The following PRICKLE2 variants were observed in gnomAD, a reference collection of about 807,000 sequenced individuals.
PRICKLE2 encodes the protein prickle-like protein 2.
A neutral mutation model predicts 81.4 loss-of-function variants in PRICKLE2; 21 were observed. The observed-to-expected ratio is 0.26, with a 90% CI of 0.18 to 0.37. The LOEUF (loss-of-function observed/expected upper bound fraction) is 0.37, where lower values mean the gene tolerates loss of function less well. Among genes scored for constraint, PRICKLE2 ranks in the 10% least tolerant of loss-of-function variants. The pLI, the probability that PRICKLE2 is intolerant of heterozygous loss-of-function variation, is 1.00. For synonymous variants in PRICKLE2, 456 were observed against 421.5 expected, an observed-to-expected ratio of 1.08 and a Z score of -1.00; for missense variants, 940 against 1,109.0, an observed-to-expected ratio of 0.85 and a Z score of 2.16.
chr3:64,100,424 C>T (rs555750047), intron 7 of PRICKLE2: 21 of 158,686 alleles, frequency 1.3e-4, no homozygotes, highest in Non-Finnish European at 2.5e-4. Context: ...TCTGTTAGCC[C>T]GCAGCAGTTT....
At chr3:64,160,144 A>G in intron 3 of PRICKLE2, 67 bp from the exon 4 acceptor site, 2 of 1,558,892 alleles carry the variant, frequency 1.3e-6, no homozygotes, top group South Asian at 2.2e-5. Flanking sequence ...GAAGCCCATG[A>G]CTCTGAGTTT....
intron 2 of PRICKLE2, among the ~76,000 whole-genome samples, chr3:64,176,229 A>G (rs917571902): frequency 2.0e-5 from 3 of 152,186 alleles, no homozygotes; most frequent in Non-Finnish European, 4.4e-5. Context: ...CCAGAATACA[A>G]TCAGGTTCCG....
At chr3:64,210,174 C>G (rs979341586) in intron 1 of PRICKLE2, among the ~76,000 whole-genome samples, 1 of 152,148 alleles carries the variant, frequency 6.6e-6, no homozygotes, top group Non-Finnish European at 1.5e-5. Context: ...ACTTCGCGTC[C>G]TCCCTAACCC....
At chr3:64,104,334 C>T (rs1211404154) in intron 7 of PRICKLE2, among the ~76,000 whole-genome samples, 2 of 152,220 alleles carry the variant, frequency 1.3e-5, no homozygotes, top group African/African-American at 2.4e-5. Context: ...AAGAAAACAT[C>T]TTCAAACTCA....
At chr3:64,165,858 C>T (rs374180768) in intron 2 of PRICKLE2, among the ~76,000 whole-genome samples, 151 of 152,130 alleles carry the variant, frequency 9.9e-4, no homozygotes, top group African/African-American at 3.4e-3. Context: ...GAGACCAAAC[C>T]CTGAAGCCAC....
intron 2 of PRICKLE2, among the ~76,000 whole-genome samples, chr3:64,182,899 AC>A (rs2078159611): frequency 6.6e-6 from 1 of 152,130 alleles, no homozygotes; most frequent in African/African-American, 2.4e-5. Flanking sequence ...AAAAAATAGA[AC>A]ACAAGAAAAC....
intron 2 of PRICKLE2, chr3:64,174,376 AG>A (rs2107067143): frequency 6.6e-6 from 1 of 152,310 alleles, no homozygotes; most frequent in East Asian, 1.9e-4. Context: ...AGTGATGAAA[AG>A]GTGGCTCCTG....
At chr3:64,142,313 CTT>C (rs397936636) in intron 7 of PRICKLE2, among the ~76,000 whole-genome samples, 13 of 132,710 alleles carry the variant, frequency 9.8e-5, no homozygotes, top group Non-Finnish European at 9.5e-5. Flanking sequence ...TTCTTTCTTT[CTT>C]TTTTTTTTTT....
At chr3:64,198,379 T>G (rs923869519) in intron 2 of PRICKLE2, among the ~76,000 whole-genome samples, 1 of 152,130 alleles carries the variant, frequency 6.6e-6, no homozygotes, top group Non-Finnish European at 1.5e-5. Flanking sequence ...CACTTCAGAT[T>G]CTGGCACTTC....
rs1171420014 is a variant in PRICKLE2 at position 64,097,660 on chromosome 3, G to C, written c.*1391C>G. The C allele has an allele frequency of 2.0e-5, 3 of 152,560 alleles. No individual in the cohort carries two copies. The highest frequency in any genetic ancestry group is 4.4e-5 in the Non-Finnish European group (3 of 68,042). The allele number at this position is 152,560 out of a possible 1,614,324, so 9.5% of individuals were successfully genotyped here. A position where few individuals can be genotyped will look rare whatever the true frequency, so the allele number is the denominator to read the frequency against. ...AAAATGGAAATACCCTCCCAACAAAGCCTGTTTTTTTAAAGACATTGCACC... is the reference window on the plus strand; with the variant it reads ...AAAATGGAAATACCCTCCCAACAAACCCTGTTTTTTTAAAGACATTGCACC... On this transcript the variant is annotated 3_prime_UTR_variant, in exon 8 of 8. Transcript: ENST00000638394.
At chr3:64,107,763 C>T (rs185864941) in intron 7 of PRICKLE2, among the ~76,000 whole-genome samples, 3 of 152,296 alleles carry the variant, frequency 2.0e-5, no homozygotes, top group East Asian at 3.9e-4. Flanking sequence ...AGTAGGATCA[C>T]GGTTACAGTG....
chr3:64,223,658 CATT>C (rs1487543002), intron 1 of PRICKLE2, among the ~76,000 whole-genome samples: 1 of 152,284 alleles, frequency 6.6e-6, no homozygotes, highest in East Asian at 1.9e-4. Flanking sequence ...GGGGAAGGAG[CATT>C]TGATGGAAAG....
intron 7 of PRICKLE2, among the ~76,000 whole-genome samples, chr3:64,125,459 G>A (rs1270951539): frequency 4.6e-5 from 7 of 152,118 alleles, no homozygotes. Context: ...GAAAGGAAGA[G>A]TCAATCAATG....
chr3:64,163,498 G>T (rs533116424), intron 2 of PRICKLE2: 251 of 329,686 alleles, frequency 7.6e-4, no homozygotes, highest in Non-Finnish European at 1.2e-3. Context: ...CATATGACGT[G>T]CCTCCCTAGC....
At chr3:64,145,797 C>CCAT (rs1351492472) in intron 7 of PRICKLE2, 1 of 151,880 alleles carries the variant, frequency 6.6e-6, no homozygotes, top group African/African-American at 2.4e-5. Context: ...GTGAGTACTG[C>CCAT]CATCAGCTCA....
intron 2 of PRICKLE2, among the ~76,000 whole-genome samples, chr3:64,243,044 T>A (rs1220987827): frequency 6.6e-6 from 1 of 152,224 alleles, no homozygotes; most frequent in Admixed American, 6.5e-5. Context: ...GGATTTGGAC[T>A]TAGGTCTGTC....
At chr3:64,110,075 A>T (rs1421486085) in intron 7 of PRICKLE2, among the ~76,000 whole-genome samples, 2 of 152,252 alleles carry the variant, frequency 1.3e-5, no homozygotes, top group Non-Finnish European at 2.9e-5. Flanking sequence ...ATGTGGAGTC[A>T]GTTTTAACTA....
At chr3:64,258,616 C>T (rs866010344) in intron 2 of PRICKLE2, among the ~76,000 whole-genome samples, 6 of 151,234 alleles carry the variant, frequency 4.0e-5, no homozygotes, top group African/African-American at 7.3e-5. Flanking sequence ...GTCAGGAGAT[C>T]GAGACCATAC....
intron 2 of PRICKLE2, among the ~76,000 whole-genome samples, chr3:64,172,240 C>A (rs933843727): frequency 2.0e-5 from 3 of 152,254 alleles, no homozygotes; most frequent in African/African-American, 7.2e-5. Flanking sequence ...TAGACTCCCT[C>A]ATCCCAATTT....
Sources: gnomAD v4.1 joint callset for allele counts (sites outside exome capture counted in the v4.1 genomes callset) on GRCh38, gnomAD v4.1.1 for gene constraint, MANE v1.5 for transcripts, NCBI Gene and HGNC (gene_info 2026-07-23, HGNC 2026-07-21) for gene names.